The following ABCG5 variants were observed in gnomAD, a reference collection of about 807,000 sequenced individuals.
ABCG5 encodes the protein ATP binding cassette subfamily G member 5, also known as ATP-binding cassette sub-family G member 5.
In ABCG5, 64 loss-of-function variants were observed where a neutral mutation model predicts 64.5. The observed-to-expected ratio is 0.99, with a 90% CI of 0.81 to 1.22. The LOEUF is 1.22. Among genes scored for constraint, ABCG5 ranks in the 50% most tolerant of loss-of-function variants. ABCG5 has a pLI of 0.00. For synonymous variants in ABCG5, 385 were observed against 326.3 expected (o/e 1.18, Z -1.94); for missense variants, 908 against 829.5 (o/e 1.09, Z -1.16).
chr2:43,835,345 G>A (rs976311266), intron 2 of ABCG5, among the ~76,000 whole-genome samples: 7 of 152,044 alleles, frequency 4.6e-5, no homozygotes, highest in African/African-American at 1.2e-4. Context: ...TTCTGAGAAG[G>A]GTGCTAAATG....
downstream of ABCG5, among the ~76,000 whole-genome samples, chr2:43,811,754 C>G (rs770442969): frequency 3.3e-5 from 5 of 151,980 alleles, no homozygotes; most frequent in Non-Finnish European, 7.4e-5. Context: ...GCCACCATGC[C>G]CAGCTAATTT....
downstream of ABCG5, among the ~76,000 whole-genome samples, chr2:43,808,519 A>G (rs940739903): frequency 2.0e-5 from 3 of 152,206 alleles, no homozygotes; most frequent in Non-Finnish European, 4.4e-5. Context: ...AGTTATTTAG[A>G]CATTGAACAA....
chr2:43,827,922 A>G, intron 5 of ABCG5, 61 bp downstream of exon 5: 2 of 1,608,116 alleles, frequency 1.2e-6, no homozygotes, highest in Non-Finnish European at 8.5e-7. Flanking sequence ...GGCCCAAAGT[A>G]TCTGCACACA....
chr2:43,806,965 G>A, the ABCG5 span, among the ~76,000 whole-genome samples: 14 of 152,020 alleles, frequency 9.2e-5, no homozygotes, highest in Non-Finnish European at 7.4e-5. Flanking sequence ...TATTTGTGTG[G>A]TTTTAGACGA....
chr2:43,838,468 G>T lies in ABCG5; in HGVS notation c.143+69C>A, dbSNP rs1668422978. 32 of 1,462,560 alleles carry T rather than the reference G, an allele frequency of 2.2e-5. No individual in the cohort carries two copies. Among genetic ancestry groups the T allele is most frequent in the Non-Finnish European group, 2.6e-5 (28 of 1,069,806 alleles). 90.6% of individuals were successfully genotyped at this position (1,462,560 alleles called of 1,614,324 possible). ...GACTGGCACTTAAAGAGTGAAGAAA[G>T]GCAGCAGAGGGGTGAGCGCCGGGCC... On this transcript the variant is annotated intron_variant, in intron 1 of 12. Coordinates refer to ENST00000405322, the MANE Select transcript of ABCG5 (RefSeq NM_022436.3). This position sits in a 1 kb window ranked among gnomAD's most constrained non-coding sequence, Gnocchi z 4.2.
At chr2:43,835,079 T>C (rs1455267126) in intron 2 of ABCG5, among the ~76,000 whole-genome samples, 2 of 152,244 alleles carry the variant, frequency 1.3e-5, no homozygotes, top group Non-Finnish European at 2.9e-5. Context: ...ATACAGTCCC[T>C]GCCCTTGTAG....
At chr2:43,831,090 A>G (rs1184182162) in intron 4 of ABCG5, among the ~76,000 whole-genome samples, 1 of 152,234 alleles carries the variant, frequency 6.6e-6, no homozygotes, top group African/African-American at 2.4e-5. Context: ...GTAAAAAGAA[A>G]CAGGTGAAAT....
intron 10 of ABCG5, among the ~76,000 whole-genome samples, chr2:43,820,906 A>C (rs188895442): frequency 1.8e-3 from 269 of 152,230 alleles, no homozygotes; most frequent in African/African-American, 6.1e-3. Flanking sequence ...TGCCCATCTC[A>C]GCCTCCCAAA....
chr2:43,811,509 A>G (rs1666478889), downstream of ABCG5, among the ~76,000 whole-genome samples: 1 of 152,214 alleles, frequency 6.6e-6, no homozygotes, highest in African/African-American at 2.4e-5. Context: ...CAAAGTTACC[A>G]TAGTAACACT....
intron 10 of ABCG5, among the ~76,000 whole-genome samples, chr2:43,822,140 A>C (rs150599564): frequency 6.6e-6 from 1 of 152,250 alleles, no homozygotes; most frequent in Non-Finnish European, 1.5e-5. Flanking sequence ...TGTAACACCA[A>C]GTTTCTCAAA....
chr2:43,811,379 T>G (rs931328653), downstream of ABCG5, among the ~76,000 whole-genome samples: 2 of 152,222 alleles, frequency 1.3e-5, no homozygotes, highest in Non-Finnish European at 2.9e-5. Context: ...TGTGGTTTCC[T>G]TAATGAAATG....
intron 4 of ABCG5, 75 bp from the exon 5 acceptor site, chr2:43,828,190 A>G (rs1257554709): frequency 2.5e-6 from 4 of 1,605,764 alleles, no homozygotes; most frequent in African/African-American, 1.3e-5. Context: ...TGGGGAGGAC[A>G]TGAAAGAGGC....
chr2:43,833,641 C>T (rs992514787), intron 2 of ABCG5, among the ~76,000 whole-genome samples: 3 of 151,880 alleles, frequency 2.0e-5, no homozygotes, highest in Non-Finnish European at 4.4e-5. Context: ...GCCTCAACCT[C>T]CCAAAGTGCT....
Position 43,822,928 on chromosome 2 carries a change from C to T in ABCG5, c.1332G>A (p.Val444=), listed in dbSNP as rs763327653. ...TCTCCTGGTCGCTGACAGCTCGCAG[C>T]ACGGGAACTGGGGATGGAAGGCAGG... ...GMLNAVNLFP[V]LRAVSDQESQ... Residue 444 remains valine (V), a synonymous_variant, in exon 10 of 13, where the codon GTG becomes GTA. Transcript: ENST00000405322. The T allele has an allele frequency of 5.6e-6, 9 of 1,613,918 alleles. No homozygotes were observed. Among genetic ancestry groups the T allele is most frequent in the Non-Finnish European group, 6.8e-6 (8 of 1,179,958 alleles).
Position 43,836,053 on chromosome 2 carries a change from C to T in ABCG5, c.265+1781G>A, listed in dbSNP as rs1668243536. ...CCAGGTTCAAGGGATTCTCCTGCCTCAGCCTCCCGAGTAGCTGGGATTACA... is the reference window on the plus strand; with the variant it reads ...CCAGGTTCAAGGGATTCTCCTGCCTTAGCCTCCCGAGTAGCTGGGATTACA... On this transcript the variant is annotated intron_variant, in intron 2 of 12. Coordinates refer to ENST00000405322, the MANE Select transcript of ABCG5 (RefSeq NM_022436.3). Among the ~76,000 whole-genome samples, 3 of 152,198 alleles carry T rather than the reference C, an allele frequency of 2.0e-5. No homozygotes were observed. The South Asian group carries it at 6.2e-4, about 32-fold the overall frequency.
Position 43,838,189 on chromosome 2 carries a change from G to T in ABCG5, c.144-234C>A. On this transcript the variant is annotated intron_variant, in intron 1 of 12. Transcript: ENST00000405322. The surrounding 1 kb of genome is among the most constrained non-coding windows in gnomAD (Gnocchi z 4.2). ...TTGCTCTGAATGTCCTGTCCGTTTG[G>T]CTGCGAGGTGGCTGTCCCTGCATTC... 1 of 609,170 alleles carries T rather than the reference G, an allele frequency of 1.6e-6. No individual in the cohort carries two copies. Among genetic ancestry groups the T allele is most frequent in the Non-Finnish European group, 2.9e-6 (1 of 348,204 alleles). 37.7% of individuals were successfully genotyped at this position (609,170 alleles called of 1,614,324 possible).
rs745606275 is a variant in ABCG5, at chr2:43,824,269, G to C, written c.1068C>G (p.Phe356Leu). Reference sequence around the variant, plus strand: ...AAACTCCAGGAGAATCTTTGGTTTTGAAAGGAACCATTGGTAACGTTTTCA... The same window carrying C: ...AAACTCCAGGAGAATCTTTGGTTTTCAAAGGAACCATTGGTAACGTTTTCA... ...KHLKTLPMVP[F>L]KTKDSPGVFS... is the part of the protein sequence containing the mutation. The change falls in exon 8 of 13, where the codon TTC becomes TTG. Residue 356 changes from phenylalanine to leucine, a missense_variant. Coordinates refer to ENST00000405322, the MANE Select transcript of ABCG5 (RefSeq NM_022436.3). 31 of 1,614,064 alleles carry C rather than the reference G, an allele frequency of 1.9e-5. No individual in the cohort carries two copies. In the East Asian group the frequency reaches 6.0e-4, roughly 31 times the overall value.
chr2:43,822,469 C>CGG, intron 10 of ABCG5: 1 of 815,082 alleles, frequency 1.2e-6, no homozygotes, highest in Non-Finnish European at 1.4e-6. Context: ...GCTTTCTCCC[C>CGG]TCCCCCAGGC....
In ABCG5 at chr2:43,832,070, G is replaced by A. The variant is rs1320875353; in HGVS notation, c.279C>T (p.Thr93=). 6.3e-7 allele frequency: 1 copy of A among 1,581,320 alleles called. No individual in the cohort carries two copies. Among genetic ancestry groups the A allele is most frequent in the Non-Finnish European group, 8.6e-7 (1 of 1,164,238 alleles). Residue 93 remains threonine (T), a synonymous_variant, in exon 3 of 13, where the codon ACC becomes ACT. Coordinates refer to ENST00000405322, the MANE Select transcript of ABCG5 (RefSeq NM_022436.3). ...CILGSSGSGK[T]TLLDAMSGRL... is the part of the protein sequence containing the mutation. The stretch of plus-strand genomic sequence containing the variant: ...TCCCGGACATGGCGTCCAGCAGCGT[G>A]GTTTTCCCGGAGCCTGCGGGGCGAC...
Sources: allele counts gnomAD v4.1 joint callset (sites outside exome capture counted in the v4.1 genomes callset), GRCh38; gene constraint gnomAD v4.1.1; non-coding constraint Gnocchi (gnomAD v3.1); transcripts MANE v1.5; gene names NCBI Gene and HGNC (gene_info 2026-07-23, HGNC 2026-07-21).